ATP8B1: variants seen among roughly 807,000 people sequenced by gnomAD.
ATP8B1 encodes the protein ATPase phospholipid transporting 8B1.
ATP8B1 carries 80 observed loss-of-function variants against 149.9 expected under a neutral mutation model. The ratio of observed to expected loss-of-function variants is 0.53; its 90% CI spans 0.45 to 0.64. The LOEUF is 0.64. Among genes scored for constraint, ATP8B1 ranks in the 30% least tolerant of loss-of-function variants. ATP8B1 has a pLI of 0.00. For synonymous variants in ATP8B1, 536 were observed against 562.8 expected, an observed-to-expected ratio of 0.95 and a Z score of 0.67; for missense variants, 1,247 against 1,552.6, an observed-to-expected ratio of 0.80 and a Z score of 3.31.
Position 57,652,104 on chromosome 18 carries a change from A to G in ATP8B1, c.3330T>C (p.Tyr1110=). ...AFSIFGSIAL[Y]FGIMFDFHSA... is the part of the protein sequence containing the mutation. ...TATGAAAGTCAAACATGATGCCAAA[A>G]TAAAGTGCAATGCTTCCAAAAATTG... The change falls in exon 26 of 28, where the codon TAT becomes TAC. Residue 1110 remains tyrosine, a synonymous_variant. Coordinates refer to ENST00000648908, the MANE Select transcript of ATP8B1 (RefSeq NM_001374385.1). 1 of 1,614,034 alleles carries G rather than the reference A, an allele frequency of 6.2e-7. No individual in the cohort carries two copies. The highest frequency in any genetic ancestry group is 8.5e-7 in the Non-Finnish European group (1 of 1,179,856).
chr18:57,737,464 T>C (rs184232209), intron 1 of ATP8B1, among the ~76,000 whole-genome samples: 2 of 151,938 alleles, frequency 1.3e-5, no homozygotes, highest in African/African-American at 4.8e-5. Flanking sequence ...CACTACACTC[T>C]CAAATCTGAG....
intron 6 of ATP8B1, among the ~76,000 whole-genome samples, chr18:57,699,465 G>A (rs934666846): frequency 2.6e-5 from 4 of 151,922 alleles, no homozygotes; most frequent in African/African-American, 7.3e-5. Context: ...GGCCGGGCCC[G>A]GTGGCTCACG....
chr18:57,789,119 A>G (rs2080437602), intron 1 of ATP8B1, among the ~76,000 whole-genome samples: 1 of 152,232 alleles, frequency 6.6e-6, no homozygotes, highest in Admixed American at 6.5e-5. Context: ...TGACATTAAC[A>G]TAAAGAACAC....
chr18:57,738,361 C>A (rs561862715), intron 1 of ATP8B1, among the ~76,000 whole-genome samples: 1 of 152,146 alleles, frequency 6.6e-6, no homozygotes, highest in Non-Finnish European at 1.5e-5. Context: ...CGGTGGCTCA[C>A]GCCTGTAATC....
At chr18:57,649,681 A>G (rs1191466064) in intron 27 of ATP8B1, among the ~76,000 whole-genome samples, 2 of 152,018 alleles carry the variant, frequency 1.3e-5, no homozygotes, top group Non-Finnish European at 2.9e-5. Flanking sequence ...TGGGCAAGTG[A>G]CCTAATTTTG....
chr18:57,691,750 T>C (rs1434397261), intron 12 of ATP8B1, 57 bp downstream of exon 12: 4 of 1,588,490 alleles, frequency 2.5e-6, no homozygotes, highest in East Asian at 2.2e-5. Context: ...GGCACTATGT[T>C]GGGAGAAGGT....
chr18:57,796,123 G>A lies in ATP8B1; in HGVS notation c.-26+6875C>T, dbSNP rs573435702. Among the ~76,000 whole-genome samples, 10 of 152,156 alleles carry A rather than the reference G, an allele frequency of 6.6e-5. No individual in the cohort carries two copies. In the South Asian group the frequency reaches 1.5e-3, roughly 22 times the overall value. On this transcript the variant is annotated intron_variant, in intron 1 of 27. Coordinates refer to ENST00000648908, the MANE Select transcript of ATP8B1 (RefSeq NM_001374385.1). Reference sequence around the variant, plus strand: ...GCAGAGGTTGCAGAGAGCTGAGATCGCACCACTGCATTCCAGCCTGCATGA... The same window carrying A: ...GCAGAGGTTGCAGAGAGCTGAGATCACACCACTGCATTCCAGCCTGCATGA...
chr18:57,716,402 G>A (rs1176144230), intron 2 of ATP8B1, among the ~76,000 whole-genome samples: 1 of 151,582 alleles, frequency 6.6e-6, no homozygotes, highest in African/African-American at 2.4e-5. Context: ...AAGATATAGA[G>A]TGGCTGAATA....
chr18:57,769,835 T>C (rs1001429340), intron 1 of ATP8B1, among the ~76,000 whole-genome samples: 1 of 152,226 alleles, frequency 6.6e-6, no homozygotes, highest in African/African-American at 2.4e-5. Flanking sequence ...CTAGCATTTA[T>C]TGAGCCAATG....
chr18:57,695,632 C>G, intron 8 of ATP8B1, 100 bp from the exon 9 acceptor site: 1 of 881,918 alleles, frequency 1.1e-6, no homozygotes. Flanking sequence ...GGACATGAAG[C>G]CTAAATAATT....
At position 57,795,878 on chromosome 18, in the gene ATP8B1, A is replaced by G. The variant is rs112088418; in HGVS notation, c.-26+7120T>C. Among the ~76,000 whole-genome samples, 15 of 76,304 alleles carry G rather than the reference A, an allele frequency of 2.0e-4. No individual in the cohort carries two copies. In the South Asian group the frequency reaches 3.6e-3, roughly 18 times the overall value. 50.1% of individuals were successfully genotyped at this position (76,304 alleles called of 152,430 possible). ...CAATGTTATGTATATTTTACATTTA[A>G]AAAAAAAAAGTCAGGCGCAGTGGCT... On this transcript the variant is annotated intron_variant, in intron 1 of 27. Coordinates refer to ENST00000648908, the MANE Select transcript of ATP8B1 (RefSeq NM_001374385.1).
rs955213911 is a variant in ATP8B1, at chr18:57,654,195, G to C, written c.2932-120C>G. ...TTTGTTTGTTTGTTTTAATAGAGAT[G>C]GGGGTCTTGCTATGTTGCCTAGGCT... is the stretch of plus-strand genomic sequence containing the variant. On this transcript the variant is annotated intron_variant, in intron 23 of 27. Coordinates refer to ENST00000648908, the MANE Select transcript of ATP8B1 (RefSeq NM_001374385.1). The C allele has an allele frequency of 6.4e-6, 6 of 940,310 alleles. No homozygotes were observed. In the African/African-American group the frequency reaches 9.8e-5, roughly 15 times the overall value. 58.2% of individuals were successfully genotyped at this position (940,310 alleles called of 1,614,324 possible). A position where few individuals can be genotyped will look rare whatever the true frequency, so the allele number is the denominator to read the frequency against.
At chr18:57,760,988 C>CAAATAAAATA (rs56052214) in intron 1 of ATP8B1, among the ~76,000 whole-genome samples, 30 of 138,854 alleles carry the variant, frequency 2.2e-4, no homozygotes, top group Non-Finnish European at 3.8e-4. Context: ...GACTCTGTCT[C>CAAATAAAATA]AAATAAAATA....
intron 1 of ATP8B1, among the ~76,000 whole-genome samples, chr18:57,791,346 C>CTTTTTTTTTTT (rs1473257768): frequency 1.2e-4 from 15 of 124,966 alleles, no homozygotes; most frequent in African/African-American, 4.1e-4. Flanking sequence ...TTTTTCTTTT[C>CTTTTTTTTTTT]TTTTCTTTTT....
At chr18:57,758,369 G>A (rs1022312219) in intron 1 of ATP8B1, among the ~76,000 whole-genome samples, 8 of 151,962 alleles carry the variant, frequency 5.3e-5, no homozygotes, top group Non-Finnish European at 8.8e-5. Flanking sequence ...GGCCAGGCGC[G>A]GTGCCTCACG....
Position 57,803,303 on chromosome 18 carries a change from G to C in ATP8B1, c.-331C>G, listed in dbSNP as rs892081963. On this transcript the variant is annotated 5_prime_UTR_variant, in exon 1 of 28. Transcript: ENST00000648908. ...CCGGCCAAACTGGTTTCTCCGCTCG[G>C]GGAGGTGCCTCTGGTTTCCCTCCAG... Among the ~76,000 whole-genome samples the C allele has an allele frequency of 6.6e-6, 1 of 152,224 alleles. No individual in the cohort carries two copies. The highest frequency in any genetic ancestry group is 2.4e-5 in the African/African-American group (1 of 41,458).
intron 2 of ATP8B1, among the ~76,000 whole-genome samples, chr18:57,710,593 A>T (rs1913640512): frequency 6.6e-6 from 1 of 152,204 alleles, no homozygotes; most frequent in Non-Finnish European, 1.5e-5. Context: ...AAGAAAAAAA[A>T]ACCATAGAAA....
rs1372640016 is a variant in ATP8B1, at chr18:57,684,095, A to T, written c.1571T>A (p.Val524Glu). Residue 524 changes from valine (V) to glutamate (E), a missense_variant, in exon 15 of 28, where the codon GTA (valine) becomes GAA (glutamate). This residue lies in a region of ATP8B1 where 853 missense variants were observed against 1,035.7 expected (regional missense o/e 0.82). Coordinates refer to ENST00000648908, the MANE Select transcript of ATP8B1 (RefSeq NM_001374385.1). ...TGCGAGCAAGAAGAAGAACTGTCGT[A>T]CTTCTGGCTCTTTCCCTGACTGGAT... ...EQIQSGKEPE[V>E]RQFFFLLAVC... 1.2e-6 allele frequency: 2 copies of T among 1,614,168 alleles called. No individual in the cohort carries two copies. Among genetic ancestry groups the T allele is most frequent in the Non-Finnish European group, 1.7e-6 (2 of 1,180,006 alleles).
At position 57,646,942 on chromosome 18, in the gene ATP8B1, T is replaced by G. The variant is rs1383423114; in HGVS notation, c.*1546A>C. On this transcript the variant is annotated 3_prime_UTR_variant, in exon 28 of 28. Coordinates refer to ENST00000648908, the MANE Select transcript of ATP8B1 (RefSeq NM_001374385.1). ...GAAAAATGTCTGGAAAAAAATTACT[T>G]TCTCCTCTTTGAGGAGTTTCCATAA... The G allele has an allele frequency of 1.3e-5, 2 of 152,292 alleles. No individual in the cohort carries two copies. Among genetic ancestry groups the G allele is most frequent in the Non-Finnish European group, 2.9e-5 (2 of 68,032 alleles). The allele number at this position is 152,292 out of a possible 1,614,324, so 9.4% of individuals were successfully genotyped here. A position where few individuals can be genotyped will look rare whatever the true frequency, so the allele number is the denominator to read the frequency against.
Sources: allele counts gnomAD v4.1 joint callset (sites outside exome capture counted in the v4.1 genomes callset), GRCh38; gene constraint gnomAD v4.1.1; regional missense constraint gnomAD v4.1.1; transcripts MANE v1.5; gene names NCBI Gene and HGNC (gene_info 2026-07-23, HGNC 2026-07-21).